Variants in PLCH2 observed in about 807,000 individuals in gnomAD.
PLCH2 encodes the protein phospholipase C eta 2, also known as 1-phosphatidylinositol 4,5-bisphosphate phosphodiesterase eta-2.
In PLCH2, 98 loss-of-function variants were observed where a neutral mutation model predicts 134.7. The ratio of observed to expected loss-of-function variants is 0.73; its 90% CI spans 0.62 to 0.86. The LOEUF is 0.86. Among genes scored for constraint, PLCH2 ranks in the 40% least tolerant of loss-of-function variants. The pLI is 0.00. For missense variants in PLCH2, 1,994 were observed against 1,986.6 expected (o/e 1.00, Z -0.07); for synonymous variants, 974 against 827.5 (o/e 1.18, Z -3.04).
chr1:2,503,787 C>G (rs1643370202), intron 21 of PLCH2, 135 bp from the exon 22 acceptor site: 9 of 614,902 alleles, frequency 1.5e-5, no homozygotes. Flanking sequence ...GGGGTGGGAG[C>G]TGGGCCTGGC....
At position 2,504,923 on chromosome 1, in the gene PLCH2, C is replaced by A. The variant is rs1461434733; in HGVS notation, c.3961C>A (p.Leu1321Met). The change falls in exon 22 of 22, where the codon CTG (leucine) becomes ATG (methionine). Residue 1321 changes from leucine to methionine, a missense_variant. By Grantham distance (15) the Leu-to-Met change is conservative. Around this residue, in one of 2 missense-constraint regions of PLCH2, gnomAD observed 900 missense variants for 752.3 expected, o/e 1.20. Coordinates refer to ENST00000378486, the MANE Select transcript of PLCH2 (RefSeq NM_014638.4). ...QAGDITSPTS[L>M]GPAGEGVAGG... ...AGGAGACATCACGTCACCCACCAGCCTGGGCCCGGCTGGGGAGGGGGTGGC... is the reference window on the plus strand; with the variant it reads ...AGGAGACATCACGTCACCCACCAGCATGGGCCCGGCTGGGGAGGGGGTGGC... 1.9e-6 allele frequency: 3 copies of A among 1,570,506 alleles called. No individual in the cohort carries two copies. In the East Asian group the frequency reaches 6.9e-5, roughly 36 times the overall value.
chr1:2,491,409 C>A lies in PLCH2; in HGVS notation c.1659+74C>A. On this transcript the variant is annotated intron_variant, in intron 11 of 21. Transcript: ENST00000378486. ...AGCCAGCCTGTGGGCCAGCCAGGGC[C>A]CCCGAACGTATGCTCTGTGCGCACT... The A allele has an allele frequency of 2.0e-6, 3 of 1,517,590 alleles. No individual in the cohort carries two copies. The Admixed American group carries it at 5.4e-5, about 28-fold the overall frequency. 94.0% of individuals were successfully genotyped at this position (1,517,590 alleles called of 1,614,324 possible).
chr1:2,459,353 T>TCCTTGCCGGTGGTC (rs1640658427), intron 2 of PLCH2, among the ~76,000 whole-genome samples: 1 of 92,038 alleles, frequency 1.1e-5, no homozygotes, highest in African/African-American at 5.5e-5. Flanking sequence ...TCCTGGTGGT[T>TCCTTGCCGGTGGTC]CTCCTTCCTG....
At chr1:2,482,914 G>A (rs1398811056) in intron 4 of PLCH2, among the ~76,000 whole-genome samples, 1 of 152,208 alleles carries the variant, frequency 6.6e-6, no homozygotes, top group Non-Finnish European at 1.5e-5. Context: ...GTCCTGAGAG[G>A]CATGGCCAGC....
At chr1:2,490,338 A>T (rs763042585) in intron 10 of PLCH2, among the ~76,000 whole-genome samples, 6 of 152,048 alleles carry the variant, frequency 3.9e-5, no homozygotes, top group Non-Finnish European at 7.4e-5. Flanking sequence ...CCTCATCTCC[A>T]AGCAGTGCCA....
intron 2 of PLCH2, among the ~76,000 whole-genome samples, chr1:2,457,640 T>G (rs1461750128): frequency 6.6e-6 from 1 of 151,806 alleles, no homozygotes; most frequent in Non-Finnish European, 1.5e-5. Flanking sequence ...CTGCAGGCAG[T>G]CAGGGAGGAC....
At position 2,499,226 on chromosome 1, in the gene PLCH2, G is replaced by A; in HGVS notation, c.2577G>A (p.Met859Ile). 6.2e-7 allele frequency: 1 copy of A among 1,612,844 alleles called. No individual in the cohort carries two copies. Among genetic ancestry groups the A allele is most frequent in the Non-Finnish European group, 8.5e-7 (1 of 1,179,774 alleles). Residue 859 changes from methionine to isoleucine, a missense_variant, in exon 19 of 22, where the codon ATG (methionine) becomes ATA (isoleucine). Transcript: ENST00000378486. ...GQRTLAFSSM[M>I]PGYRHVYLEG... ...GGACGCTGGCCTTCAGCAGCATGAT[G>A]CCAGGTGGGCAGGAGTGGACACGGT... is the stretch of plus-strand genomic sequence containing the variant.
chr1:2,499,025 G>A, intron 18 of PLCH2, 59 bp from the exon 19 acceptor site: 2 of 1,560,138 alleles, frequency 1.3e-6, no homozygotes, highest in Non-Finnish European at 8.7e-7. Flanking sequence ...GCTCCAGGCT[G>A]GAGCGGTGCT....
At chr1:2,440,767 T>C (rs1639655774) in intron 2 of PLCH2, among the ~76,000 whole-genome samples, 1 of 152,252 alleles carries the variant, frequency 6.6e-6, no homozygotes, top group Admixed American at 6.5e-5. Flanking sequence ...GAGATTTCTT[T>C]CACAGTTTCC....
upstream of PLCH2, among the ~76,000 whole-genome samples, chr1:2,420,997 T>A (rs957720643): frequency 1.3e-5 from 2 of 148,704 alleles, no homozygotes; most frequent in Non-Finnish European, 3.0e-5. Flanking sequence ...CAGGCTGGAG[T>A]GCAGTGGTGC....
intron 21 of PLCH2, chr1:2,503,380 G>T: frequency 3.4e-6 from 2 of 586,296 alleles, no homozygotes; most frequent in Non-Finnish European, 6.1e-6. Flanking sequence ...TGGGCAGGTA[G>T]TGCAGCTGCT....
At chr1:2,420,753 C>T in the PLCH2 span, among the ~76,000 whole-genome samples, 90 of 152,338 alleles carry the variant, frequency 5.9e-4, no homozygotes, top group African/African-American at 1.9e-3. Flanking sequence ...GCTCCTCTCT[C>T]GATTGGAGGG....
intron 1 of PLCH2, 28 bp downstream of exon 1, chr1:2,476,740 G>A: frequency 6.3e-7 from 1 of 1,577,896 alleles, no homozygotes; most frequent in Non-Finnish European, 8.6e-7. Flanking sequence ...AGTGGCCTGG[G>A]CTGAGTGCTG....
At position 2,504,702 on chromosome 1, in the gene PLCH2, A is replaced by T; in HGVS notation, c.3740A>T (p.Asp1247Val). The T allele has an allele frequency of 6.2e-7, 1 of 1,612,436 alleles. No individual in the cohort carries two copies. The highest frequency in any genetic ancestry group is 8.5e-7 in the Non-Finnish European group (1 of 1,179,732). ...WGCLSLVGVQ[D>V]CPVAAKSKSL... Reference sequence around the variant, plus strand: ...TGCCTTTCCCTGGTGGGCGTGCAGGACTGCCCCGTGGCTGCCAAGTCCAAG... The same window carrying T: ...TGCCTTTCCCTGGTGGGCGTGCAGGTCTGCCCCGTGGCTGCCAAGTCCAAG... The change falls in exon 22 of 22, where the codon GAC becomes GTC. Residue 1247 changes from aspartate (D) to valine (V), a missense_variant. This residue lies in a region of PLCH2 where 900 missense variants were observed against 752.3 expected (regional missense o/e 1.20). Transcript: ENST00000378486.
rs1639818916 is a variant in PLCH2, at chr1:2,444,005, A to C, written c.115+13376A>C. ...CCGCTCCTGCCGCTGCGCCGCTGCCAACCGGGATGCGCGGGTGGACGCGCG... is the reference window on the plus strand; with the variant it reads ...CCGCTCCTGCCGCTGCGCCGCTGCCCACCGGGATGCGCGGGTGGACGCGCG... On this transcript the variant is annotated intron_variant, in intron 2 of 3. Coordinates refer to the PLCH2 transcript ENST00000609981. The surrounding 1 kb of genome is among the most constrained non-coding windows in gnomAD (Gnocchi z 4.6). 4.6e-5 allele frequency among the ~76,000 whole-genome samples: 7 copies of C among 152,116 alleles called. No individual in the cohort carries two copies. Among genetic ancestry groups the C allele is most frequent in the Admixed American group, 4.6e-4 (7 of 15,278 alleles).
intron 14 of PLCH2, 40 bp from the exon 15 acceptor site, chr1:2,496,788 C>T (rs755752471): frequency 1.4e-5 from 23 of 1,610,340 alleles, no homozygotes; most frequent in South Asian, 9.9e-5. Flanking sequence ...CGGGCGAGGT[C>T]GAGGACTGGC....
rs755929024 is a variant in PLCH2, at chr1:2,498,817, T to G, written c.2423T>G (p.Val808Gly). 1 of 1,609,630 alleles carries G rather than the reference T, an allele frequency of 6.2e-7. No homozygotes were observed. The highest frequency in any genetic ancestry group is 8.5e-7 in the Non-Finnish European group (1 of 1,177,760). The change falls in exon 18 of 22, where the codon GTG (valine) becomes GGG (glycine). Residue 808 changes from valine to glycine, a missense_variant. By Grantham distance (109) the Val-to-Gly change is moderately radical (BLOSUM62 -3). Around this residue, in one of 2 missense-constraint regions of PLCH2, gnomAD observed 1,094 missense variants for 1,234.3 expected, o/e 0.89. Coordinates refer to ENST00000378486, the MANE Select transcript of PLCH2 (RefSeq NM_014638.4). The surrounding 1 kb of genome is among the most constrained non-coding windows in gnomAD (Gnocchi z 5.4). Reference protein sequence around the residue: ...VDCSREQTRVVDDNGFNPTWE... With the variant: ...VDCSREQTRVGDDNGFNPTWE... ...TGCAGCAGGGAGCAGACCCGCGTGG[T>G]GGACGACAACGGTGAGGCTGGGCCG... is the stretch of plus-strand genomic sequence containing the variant.
At chr1:2,452,483 C>T (rs1333530865) in intron 2 of PLCH2, among the ~76,000 whole-genome samples, 1 of 152,178 alleles carries the variant, frequency 6.6e-6, no homozygotes, top group Non-Finnish European at 1.5e-5. Context: ...TGCCCCAGCC[C>T]CTCTGGCCTT....
chr1:2,421,277 G>T (rs1638504890), upstream of PLCH2, among the ~76,000 whole-genome samples: 2 of 152,254 alleles, frequency 1.3e-5, no homozygotes, highest in South Asian at 4.1e-4. Context: ...AGAAGCCCAA[G>T]GAGCTTTGGT....
Sources: allele counts gnomAD v4.1 joint callset (sites outside exome capture counted in the v4.1 genomes callset), GRCh38; gene constraint gnomAD v4.1.1; regional missense constraint gnomAD v4.1.1; non-coding constraint Gnocchi (gnomAD v3.1); transcripts MANE v1.5; gene names NCBI Gene and HGNC (gene_info 2026-07-23, HGNC 2026-07-21).